MACROD2: variants seen among roughly 807,000 people sequenced by gnomAD.
The protein encoded by MACROD2 is mono-ADP ribosylhydrolase 2.
MACROD2 carries 36 observed loss-of-function variants against 70.4 expected under a neutral mutation model. The observed-to-expected ratio is 0.51, with a 90% CI of 0.39 to 0.68. The LOEUF (loss-of-function observed/expected upper bound fraction) is 0.68, where lower values mean the gene tolerates loss of function less well. MACROD2 is among the 30% of genes least tolerant of loss of function. MACROD2 has a pLI of 0.00. For synonymous variants in MACROD2, 172 were observed against 178.8 expected (o/e 0.96, Z 0.30); for missense variants, 496 against 538.4 (o/e 0.92, Z 0.78).
At chr20:14,985,477 A>C (rs1398432690) in intron 5 of MACROD2, among the ~76,000 whole-genome samples, 3 of 152,116 alleles carry the variant, frequency 2.0e-5, no homozygotes, top group African/African-American at 7.2e-5. Context: ...GGGTGTGTAG[A>C]GGAAGCTCTG....
chr20:14,789,460 A>ATTCTTTTTTTTT (rs1555830595), intron 5 of MACROD2, among the ~76,000 whole-genome samples: 2 of 48,326 alleles, frequency 4.1e-5, no homozygotes, highest in Non-Finnish European at 7.2e-5. Context: ...GGTAGTGCAA[A>ATTCTTTTTTTTT]TTTTTTTTTT....
At chr20:14,392,605 T>C (rs2083539056) in intron 3 of MACROD2, among the ~76,000 whole-genome samples, 1 of 152,240 alleles carries the variant, frequency 6.6e-6, no homozygotes, top group African/African-American at 2.4e-5. Context: ...TACTTAAAAA[T>C]ATAATTTCTA....
At chr20:14,924,299 C>T (rs374014528) in intron 5 of MACROD2, among the ~76,000 whole-genome samples, 3 of 151,884 alleles carry the variant, frequency 2.0e-5, no homozygotes, top group African/African-American at 4.8e-5. Flanking sequence ...ATTAGCCTGG[C>T]GTGGTGGTAC....
chr20:14,381,576 A>G (rs1395168976), intron 3 of MACROD2, among the ~76,000 whole-genome samples: 6 of 152,208 alleles, frequency 3.9e-5, no homozygotes, highest in Non-Finnish European at 8.8e-5. Flanking sequence ...ACTTTTTACT[A>G]ACATTATTTA....
At chr20:14,827,118 C>T (rs1225643268) in intron 5 of MACROD2, among the ~76,000 whole-genome samples, 1 of 152,096 alleles carries the variant, frequency 6.6e-6, no homozygotes, top group East Asian at 1.9e-4. Context: ...TTAGCATCAT[C>T]GCGTCCTTGG....
chr20:14,006,955 G>C (rs188939472), intron 2 of MACROD2, among the ~76,000 whole-genome samples: 1 of 152,058 alleles, frequency 6.6e-6, no homozygotes, highest in Admixed American at 6.6e-5. Context: ...CATATCACAG[G>C]GCACATAATG....
At chr20:14,851,261 T>A (rs1421137591) in intron 5 of MACROD2, among the ~76,000 whole-genome samples, 1 of 152,274 alleles carries the variant, frequency 6.6e-6, no homozygotes, top group Admixed American at 6.5e-5. Flanking sequence ...TACTGGAGGC[T>A]GGACACCACA....
At chr20:14,649,104 G>A (rs1985544180) in intron 4 of MACROD2, among the ~76,000 whole-genome samples, 1 of 152,048 alleles carries the variant, frequency 6.6e-6, no homozygotes, top group Non-Finnish European at 1.5e-5. Flanking sequence ...TCCATACTTA[G>A]GGCTTCTACC....
At chr20:15,819,967 C>T (rs906208117) in intron 8 of MACROD2, among the ~76,000 whole-genome samples, 1 of 152,084 alleles carries the variant, frequency 6.6e-6, no homozygotes, top group African/African-American at 2.4e-5. Flanking sequence ...TGTTAAATGG[C>T]TTCACTGTAG....
chr20:15,782,184 A>G (rs2051845038), intron 8 of MACROD2, among the ~76,000 whole-genome samples: 1 of 152,126 alleles, frequency 6.6e-6, no homozygotes, highest in African/African-American at 2.4e-5. Context: ...GAATTTGAAG[A>G]TTAAATGAGA....
intron 5 of MACROD2, among the ~76,000 whole-genome samples, chr20:15,199,392 CTG>C (rs1313373890): frequency 2.0e-5 from 3 of 152,144 alleles, no homozygotes; most frequent in South Asian, 2.1e-4. Flanking sequence ...AACAAAAACA[CTG>C]TGTAAATGTA....
chr20:14,564,290 G>A (rs1979631586), intron 4 of MACROD2, among the ~76,000 whole-genome samples: 1 of 151,844 alleles, frequency 6.6e-6, no homozygotes, highest in Non-Finnish European at 1.5e-5. Context: ...CCTAAGCATA[G>A]ACAAAGAGTT....
intron 5 of MACROD2, among the ~76,000 whole-genome samples, chr20:14,828,389 A>G (rs963852376): frequency 3.3e-5 from 5 of 152,178 alleles, no homozygotes; most frequent in African/African-American, 9.6e-5. Context: ...AATAACACCT[A>G]TGTAAGAAGT....
intron 7 of MACROD2, among the ~76,000 whole-genome samples, chr20:15,435,347 CTTAA>C (rs1423404644): frequency 6.6e-6 from 1 of 152,098 alleles, no homozygotes; most frequent in Non-Finnish European, 1.5e-5. Flanking sequence ...TCATCTTTCA[CTTAA>C]TAATAATATT....
chr20:14,270,765 C>T (rs1034575128), intron 3 of MACROD2, among the ~76,000 whole-genome samples: 9 of 152,066 alleles, frequency 5.9e-5, no homozygotes, highest in Non-Finnish European at 1.2e-4. Flanking sequence ...CAGCTCCCAG[C>T]GTGAGTGACG....
intron 8 of MACROD2, among the ~76,000 whole-genome samples, chr20:15,779,082 A>C (rs2051785427): frequency 6.6e-6 from 1 of 151,352 alleles, no homozygotes; most frequent in Non-Finnish European, 1.5e-5. Context: ...ATGATAATTC[A>C]ATTTAAGCTG....
chr20:16,023,493 A>AG (rs1233476345), intron 15 of MACROD2, among the ~76,000 whole-genome samples: 17 of 151,014 alleles, frequency 1.1e-4, no homozygotes, highest in Non-Finnish European at 1.9e-4. Flanking sequence ...AAAAAAAAAA[A>AG]AGAGATGGTG....
chr20:14,959,007 C>T (rs1305134389), intron 5 of MACROD2, among the ~76,000 whole-genome samples: 1 of 152,134 alleles, frequency 6.6e-6, no homozygotes, highest in African/African-American at 2.4e-5. Flanking sequence ...TAGTTGCCCT[C>T]TAAATGATCT....
chr20:14,742,451 C>CAG (rs11472721), intron 5 of MACROD2, among the ~76,000 whole-genome samples: 103,386 of 151,650 alleles, frequency 0.68, 35,369 homozygotes, highest in South Asian at 0.74. Context: ...GAAATGCAAA[C>CAG]AGTCAAATTT....
Sources: allele counts gnomAD v4.1 joint callset (sites outside exome capture counted in the v4.1 genomes callset), GRCh38; gene constraint gnomAD v4.1.1; transcripts MANE v1.5; gene names NCBI Gene and HGNC (gene_info 2026-07-23, HGNC 2026-07-21).